CROCC2: variants seen among roughly 807,000 people sequenced by gnomAD.
CROCC2 encodes ciliary rootlet coiled-coil protein 2.
Under a neutral mutation model 177.6 loss-of-function variants are expected in CROCC2, and 163 were observed. That is an observed-to-expected ratio of 0.92 (90% confidence interval 0.81 to 1.05). The LOEUF (loss-of-function observed/expected upper bound fraction) is 1.05, where lower values mean the gene tolerates loss of function less well. Ranked by LOEUF, CROCC2 falls within the 50% of genes least tolerant of loss-of-function variation. CROCC2 has a pLI of 0.00. For missense variants in CROCC2, 1,929 were observed against 1,797.8 expected (o/e 1.07, Z -1.32); for synonymous variants, 904 against 787.3 (o/e 1.15, Z -2.48).
At position 240,965,729 on chromosome 2, in the gene CROCC2, G is replaced by T. The variant is rs773453809; in HGVS notation, c.3697G>T (p.Ala1233Ser). The change falls in exon 24 of 32, where the codon GCT becomes TCT. Residue 1233 changes from alanine to serine, a missense_variant. By Grantham distance (99) the Ala-to-Ser change is moderately conservative. Transcript: ENST00000690015. ...GGAGCACCTCCGTGAGAGCCGGGGG[G>T]CTGAGCAGACCCTCCGAGCAGAGCT... is the stretch of plus-strand genomic sequence containing the variant. Reference protein sequence around the residue: ...LQEHLRESRGAEQTLRAELHS... With the variant: ...LQEHLRESRGSEQTLRAELHS... 3.2e-6 allele frequency: 5 copies of T among 1,544,478 alleles called. No individual in the cohort carries two copies. In the African/African-American group the frequency reaches 4.1e-5, roughly 13 times the overall value.
chr2:240,967,681 C>T (rs958285390), intron 26 of CROCC2: 36 of 679,028 alleles, frequency 5.3e-5, no homozygotes, highest in Admixed American at 3.1e-4. Flanking sequence ...AGAGGAGTGA[C>T]GTCCACAGGC....
rs541548732 is a variant in CROCC2, at chr2:240,973,066, G to A, written c.4401+4804G>A. Among the ~76,000 whole-genome samples, 14 of 152,262 alleles carry A rather than the reference G, an allele frequency of 9.2e-5. No individual in the cohort carries two copies. The highest frequency in any genetic ancestry group is 1.9e-4 in the East Asian group (1 of 5,164). On this transcript the variant is annotated intron_variant, in intron 27 of 31. Coordinates refer to ENST00000690015, the MANE Select transcript of CROCC2 (RefSeq NM_001351305.2). This position sits in a 1 kb window ranked among gnomAD's most constrained non-coding sequence, Gnocchi z 4.7. ...CCTCTCCTGGCTCTGCCAAGCTCCC[G>A]GCACAGTCTAGAGCCAGCTCTGCCT... is the stretch of plus-strand genomic sequence containing the variant.
At position 240,982,633 on chromosome 2, in the gene CROCC2, A is replaced by T; in HGVS notation, c.4402-247A>T. On this transcript the variant is annotated intron_variant, in intron 27 of 31. Transcript: ENST00000690015. The surrounding 1 kb of genome is among the most constrained non-coding windows in gnomAD (Gnocchi z 4.7). ...ACCTGCCAAGCCCAAGTCTTTGCCCACGCTAGACCAGACCCCCAGGACTTT... is the reference window on the plus strand; with the variant it reads ...ACCTGCCAAGCCCAAGTCTTTGCCCTCGCTAGACCAGACCCCCAGGACTTT... The T allele has an allele frequency of 2.5e-6, 1 of 393,614 alleles. No homozygotes were observed. The highest frequency in any genetic ancestry group is 4.5e-6 in the Non-Finnish European group (1 of 221,688). 24.4% of individuals were successfully genotyped at this position (393,614 alleles called of 1,614,324 possible).
At chr2:240,926,592 C>T (rs542638872) in intron 5 of CROCC2, among the ~76,000 whole-genome samples, 21 of 152,122 alleles carry the variant, frequency 1.4e-4, no homozygotes, top group Non-Finnish European at 1.9e-4. Flanking sequence ...AAGACGGGCC[C>T]CCCGGAAGAT....
chr2:240,927,654 T>C (rs2059402749), intron 5 of CROCC2, among the ~76,000 whole-genome samples: 1 of 152,196 alleles, frequency 6.6e-6, no homozygotes, highest in Non-Finnish European at 1.5e-5. Flanking sequence ...ACTCACATTT[T>C]CTTTTTTTCT....
chr2:240,912,726 C>T (rs2059296100), intron 1 of CROCC2, among the ~76,000 whole-genome samples: 1 of 152,212 alleles, frequency 6.6e-6, no homozygotes, highest in African/African-American at 2.4e-5. Flanking sequence ...AGCTCCTCTC[C>T]CCTCCCCAGA....
intron 1 of CROCC2, among the ~76,000 whole-genome samples, chr2:240,914,000 A>G (rs1574742361): frequency 6.6e-6 from 1 of 152,342 alleles, no homozygotes; most frequent in Admixed American, 6.5e-5. Flanking sequence ...TGGGAGGGCC[A>G]TGGAGGGCCC....
intron 12 of CROCC2, 136 bp from the exon 13 acceptor site, chr2:240,934,780 G>T: frequency 2.0e-6 from 2 of 992,264 alleles, no homozygotes; most frequent in Non-Finnish European, 2.8e-6. Context: ...CCCCACTGTG[G>T]CGACCTTCCC....
intron 29 of CROCC2, 82 bp from the exon 30 acceptor site, chr2:240,989,568 TGAAA>T: frequency 7.5e-7 from 1 of 1,333,144 alleles, no homozygotes; most frequent in Non-Finnish European, 1.0e-6. Flanking sequence ...CAAGGACAGG[TGAAA>T]CACCCTGTGG....
At chr2:240,968,041 G>C (rs984206177) in intron 26 of CROCC2, 88 bp from the exon 27 acceptor site, 8 of 1,289,104 alleles carry the variant, frequency 6.2e-6, no homozygotes, top group Non-Finnish European at 8.0e-6. Context: ...GTGGGAGCCA[G>C]TCACTCAAGT....
At chr2:240,916,585 G>T (rs957900143) in intron 1 of CROCC2, among the ~76,000 whole-genome samples, 4 of 150,940 alleles carry the variant, frequency 2.7e-5, no homozygotes, top group African/African-American at 9.7e-5. Flanking sequence ...CTGGGCCGCG[G>T]CCTATTGCAG....
intron 14 of CROCC2, among the ~76,000 whole-genome samples, chr2:240,939,986 T>C (rs1330098285): frequency 6.6e-6 from 1 of 152,224 alleles, no homozygotes; most frequent in Non-Finnish European, 1.5e-5. Flanking sequence ...AGAATGTGTA[T>C]TATGCTATTG....
In CROCC2 at chr2:240,949,007, C is replaced by T; in HGVS notation, c.2392C>T (p.Leu798Phe). The part of the protein sequence containing the change: ...RVERDSLESS[L>F]LEAQQLATKL... ...GGAGAGGGACTCCCTGGAGAGCAGC[C>T]TCCTTGAGGCCCAACAGCTGGCCAC... is the stretch of plus-strand genomic sequence containing the variant. Residue 798 changes from leucine to phenylalanine, a missense_variant, in exon 16 of 32, where the codon CTC becomes TTC. Leu to Phe is a conservative substitution (Grantham distance 22, BLOSUM62 0). Transcript: ENST00000690015. This position sits in a 1 kb window ranked among gnomAD's most constrained non-coding sequence, Gnocchi z 4.5. The T allele has an allele frequency of 6.5e-7, 1 of 1,550,260 alleles. No individual in the cohort carries two copies. The highest frequency in any genetic ancestry group is 8.7e-7 in the Non-Finnish European group (1 of 1,146,930).
intron 20 of CROCC2, among the ~76,000 whole-genome samples, chr2:240,962,076 ACACT>A (rs879802079): frequency 0.015 from 1,646 of 111,862 alleles, 19 homozygotes; most frequent in Non-Finnish European, 0.021. Context: ...ACACGCACTC[ACACT>A]CACACACACA....
In CROCC2 at chr2:240,922,580, G is replaced by A. The variant is rs543105424; in HGVS notation, c.423G>A (p.Arg141=). 19 of 695,968 alleles carry A rather than the reference G, an allele frequency of 2.7e-5. No homozygotes were observed. The East Asian group carries it at 4.2e-4, about 15-fold the overall frequency. The allele number at this position is 695,968 out of a possible 1,614,324, so 43.1% of individuals were successfully genotyped here. A position where few individuals can be genotyped will look rare whatever the true frequency, so the allele number is the denominator to read the frequency against. Residue 141 remains arginine (R), a synonymous_variant, in exon 4 of 32, where the codon AGG becomes AGA. Coordinates refer to ENST00000690015, the MANE Select transcript of CROCC2 (RefSeq NM_001351305.2). ...AGACCACCGAGGCTCAGCTGCGGAG[G>A]TCAGAGCTGGAGCACAGCGTGGATC... ...RLETTEAQLR[R]SELEHSVDLE...
At chr2:240,975,975 C>A (rs578200714) in intron 27 of CROCC2, among the ~76,000 whole-genome samples, 26 of 152,254 alleles carry the variant, frequency 1.7e-4, no homozygotes, top group Non-Finnish European at 3.2e-4. Context: ...AGAAAATCTG[C>A]CCATCTCAGC....
chr2:240,946,331 G>T, intron 15 of CROCC2, 78 bp downstream of exon 15: 1 of 1,352,686 alleles, frequency 7.4e-7, no homozygotes, highest in Non-Finnish European at 1.0e-6. Flanking sequence ...CAGGGTATGG[G>T]GACAATCGCA....
intron 18 of CROCC2, chr2:240,954,694 A>G (rs926843920): frequency 1.3e-5 from 2 of 152,194 alleles, no homozygotes; most frequent in African/African-American, 4.8e-5. Flanking sequence ...ATTGAAGCCC[A>G]CTTCTCTGAC....
rs948684122 is a variant in CROCC2, at chr2:240,925,866, T to C, written c.631T>C (p.Trp211Arg). The C allele has an allele frequency of 9.8e-6, 7 of 713,680 alleles. No homozygotes were observed. The highest frequency in any genetic ancestry group is 1.8e-5 in the Non-Finnish European group (7 of 383,892). 44.2% of individuals were successfully genotyped at this position (713,680 alleles called of 1,614,324 possible). Residue 211 changes from tryptophan to arginine, a missense_variant, in exon 5 of 32, where the codon TGG becomes CGG. Physicochemically the swap from Trp to Arg is moderately radical, Grantham distance 101 (BLOSUM62 -3). Around this residue, in one of 3 missense-constraint regions of CROCC2, gnomAD observed 1,397 missense variants for 1,239.9 expected, o/e 1.13. Coordinates refer to ENST00000690015, the MANE Select transcript of CROCC2 (RefSeq NM_001351305.2). The part of the protein sequence containing the change: ...RLQGELELRR[W>R]AQRQTRSGGL... Reference sequence around the variant, plus strand: ...GCAGGGCGAGCTGGAGCTGAGGCGCTGGGCCCAGAGACAGGTGCTCCCCCA... The same window carrying C: ...GCAGGGCGAGCTGGAGCTGAGGCGCCGGGCCCAGAGACAGGTGCTCCCCCA...
Sources: allele counts gnomAD v4.1 joint callset (sites outside exome capture counted in the v4.1 genomes callset), GRCh38; gene constraint gnomAD v4.1.1; regional missense constraint gnomAD v4.1.1; non-coding constraint Gnocchi (gnomAD v3.1); transcripts MANE v1.5; gene names NCBI Gene and HGNC (gene_info 2026-07-23, HGNC 2026-07-21).